LUZP2: variants seen among roughly 807,000 people sequenced by gnomAD.
The protein encoded by LUZP2 is leucine zipper protein 2.
Under a neutral mutation model 51.6 loss-of-function variants are expected in LUZP2, and 52 were observed. That is an observed-to-expected ratio of 1.01 (90% CI 0.81 to 1.27). The LOEUF is 1.27. LUZP2 is among the 50% of genes most tolerant of loss of function. The pLI, the probability that LUZP2 is intolerant of heterozygous loss-of-function variation, is 0.00. For missense variants in LUZP2, 436 were observed against 395.4 expected (o/e 1.10, Z -0.87); for synonymous variants, 154 against 137.3 (o/e 1.12, Z -0.85).
At chr11:24,638,851 A>G (rs1418857337) in intron 1 of LUZP2, among the ~76,000 whole-genome samples, 1 of 151,812 alleles carries the variant, frequency 6.6e-6, no homozygotes, top group Non-Finnish European at 1.5e-5. Context: ...CAGATACTGA[A>G]TCAAATAAAT....
chr11:24,729,049 A>AGTTTTTTTG, intron 1 of LUZP2, 120 bp from the exon 2 acceptor site: 1 of 494,506 alleles, frequency 2.0e-6, no homozygotes. Flanking sequence ...CAACAAAACC[A>AGTTTTTTTG]TCTTAGTAAT....
intron 10 of LUZP2, 78 bp downstream of exon 10, chr11:25,050,208 G>A (rs1177281854): frequency 9.1e-6 from 6 of 657,756 alleles, no homozygotes; most frequent in Non-Finnish European, 1.5e-5. Flanking sequence ...TCTAATTCAT[G>A]CCACCATGAA....
intron 1 of LUZP2, among the ~76,000 whole-genome samples, chr11:24,533,193 G>C (rs937807305): frequency 6.6e-6 from 1 of 151,162 alleles, no homozygotes; most frequent in African/African-American, 2.4e-5. Flanking sequence ...CCAAAAGCAA[G>C]ATCTTTCCCT....
At chr11:24,966,296 A>G (rs889329577) in intron 7 of LUZP2, among the ~76,000 whole-genome samples, 1 of 151,444 alleles carries the variant, frequency 6.6e-6, no homozygotes, top group East Asian at 1.9e-4. Context: ...TGTAAGTTTC[A>G]TTTGTATGTT....
At chr11:25,041,135 C>G (rs955048473) in intron 9 of LUZP2, among the ~76,000 whole-genome samples, 1 of 152,024 alleles carries the variant, frequency 6.6e-6, no homozygotes, top group Non-Finnish European at 1.5e-5. Flanking sequence ...TGGCACAGAA[C>G]AGTAGCTTTC....
intron 7 of LUZP2, among the ~76,000 whole-genome samples, chr11:24,970,180 G>T (rs531666877): frequency 1.1e-4 from 16 of 152,130 alleles, no homozygotes; most frequent in African/African-American, 3.9e-4. Context: ...AGCTACTAGA[G>T]GTCTTGGAAC....
chr11:25,007,605 GAAAACAAAAC>G (rs72370066), intron 9 of LUZP2, among the ~76,000 whole-genome samples: 41 of 150,884 alleles, frequency 2.7e-4, no homozygotes, highest in South Asian at 6.3e-4. Flanking sequence ...TCCATCTCAA[GAAAACAAAAC>G]AAAACAAAAC....
chr11:24,716,226 G>A (rs2133941573), intron 1 of LUZP2, among the ~76,000 whole-genome samples: 1 of 152,182 alleles, frequency 6.6e-6, no homozygotes, highest in Non-Finnish European at 1.5e-5. Flanking sequence ...AGTTATTATT[G>A]TTGTTATTCT....
intron 5 of LUZP2, among the ~76,000 whole-genome samples, chr11:24,815,009 A>T (rs1362707584): frequency 2.7e-5 from 4 of 146,412 alleles, no homozygotes; most frequent in Non-Finnish European, 6.0e-5. Flanking sequence ...AAAAAAAATA[A>T]AAATAATCAA....
chr11:24,659,551 C>T (rs1855944065), intron 1 of LUZP2, among the ~76,000 whole-genome samples: 1 of 151,546 alleles, frequency 6.6e-6, no homozygotes, highest in East Asian at 1.9e-4. Context: ...GCACATATAC[C>T]CTAAAACTTT....
At chr11:24,627,332 T>C (rs937275908) in intron 1 of LUZP2, among the ~76,000 whole-genome samples, 52 of 152,154 alleles carry the variant, frequency 3.4e-4, no homozygotes, top group Non-Finnish European at 6.6e-4. Flanking sequence ...GAGAAGGTTT[T>C]TCAGCTATAA....
intron 5 of LUZP2, among the ~76,000 whole-genome samples, chr11:24,870,351 G>A (rs1852023198): frequency 6.6e-6 from 1 of 152,072 alleles, no homozygotes; most frequent in South Asian, 2.1e-4. Context: ...CAGCTTCAAT[G>A]TAATCCTAAG....
intron 1 of LUZP2, among the ~76,000 whole-genome samples, chr11:24,700,861 A>T (rs1857401738): frequency 6.6e-6 from 1 of 152,126 alleles, no homozygotes; most frequent in African/African-American, 2.4e-5. Context: ...TATATATATG[A>T]TGAATGTAAG....
chr11:24,576,073 T>C (rs936486418), intron 1 of LUZP2, among the ~76,000 whole-genome samples: 1 of 152,166 alleles, frequency 6.6e-6, no homozygotes, highest in Non-Finnish European at 1.5e-5. Flanking sequence ...TATACTCCTA[T>C]ACTTTACCTA....
chr11:24,764,235 G>A (rs1860095617), intron 5 of LUZP2, among the ~76,000 whole-genome samples: 1 of 152,100 alleles, frequency 6.6e-6, no homozygotes, highest in Non-Finnish European at 1.5e-5. Context: ...TCAGCAATAT[G>A]AACCCAGTTG....
rs960977484 is a variant in LUZP2 at position 24,881,613 on chromosome 11, G to T, written c.397-24378G>T. ...AACATTTACTCACCACTTCTGGCTG[G>T]GAACACAATGTTAGGAGTAGAAGTC... On this transcript the variant is annotated intron_variant, in intron 5 of 11. Coordinates refer to ENST00000336930, the MANE Select transcript of LUZP2 (RefSeq NM_001009909.4). 1.3e-5 allele frequency among the ~76,000 whole-genome samples: 2 copies of T among 151,904 alleles called. 1 individual carries two copies. Among genetic ancestry groups the T allele is most frequent in the African/African-American group, 4.8e-5 (2 of 41,332 alleles).
At chr11:24,994,429 A>G (rs896099171) in intron 9 of LUZP2, among the ~76,000 whole-genome samples, 7 of 152,172 alleles carry the variant, frequency 4.6e-5, no homozygotes, top group Non-Finnish European at 8.8e-5. Context: ...TGGCCTGTCT[A>G]AATACAGTTG....
chr11:25,009,542 C>A (rs901751604), intron 9 of LUZP2, among the ~76,000 whole-genome samples: 1 of 151,984 alleles, frequency 6.6e-6, no homozygotes. Flanking sequence ...ATCAACTAAT[C>A]TTTATAGCGT....
Position 25,078,672 on chromosome 11 carries a change from G to C in LUZP2, c.*14G>C, listed in dbSNP as rs759622282. ...AAAATACTGTAAATACTAAGAAACT[G>C]TGTTAAAAACGTCCATTTGCTATTG... On this transcript the variant is annotated 3_prime_UTR_variant, in exon 12 of 12. Coordinates refer to ENST00000336930, the MANE Select transcript of LUZP2 (RefSeq NM_001009909.4). 2 of 1,571,428 alleles carry C rather than the reference G, an allele frequency of 1.3e-6. No individual in the cohort carries two copies. The highest frequency in any genetic ancestry group is 1.7e-6 in the Non-Finnish European group (2 of 1,152,708).
Sources: allele counts gnomAD v4.1 joint callset (sites outside exome capture counted in the v4.1 genomes callset), GRCh38; gene constraint gnomAD v4.1.1; transcripts MANE v1.5; gene names NCBI Gene and HGNC (gene_info 2026-07-23, HGNC 2026-07-21).